Variants in EPHX2 observed in about 807,000 individuals in gnomAD.
EPHX2 encodes bifunctional epoxide hydrolase 2.
Under a neutral mutation model 78.7 loss-of-function variants are expected in EPHX2, and 74 were observed. The ratio of observed to expected loss-of-function variants is 0.94; its 90% confidence interval spans 0.78 to 1.14. The LOEUF (loss-of-function observed/expected upper bound fraction) is 1.14. Among genes scored for constraint, EPHX2 ranks in the 50% most tolerant of loss-of-function variants. The probability of loss-of-function intolerance (pLI) is 0.00; values close to 1 mark genes in which losing one functional copy is unlikely to be tolerated. For synonymous variants in EPHX2, 251 were observed against 255.2 expected (o/e 0.98, Z 0.16); for missense variants, 715 against 702.5 (o/e 1.02, Z -0.20).
At chr8:27,516,525 C>T (rs1279192327) in intron 8 of EPHX2, 127 bp downstream of exon 8, 4 of 837,620 alleles carry the variant, frequency 4.8e-6, no homozygotes, top group African/African-American at 1.7e-5. Flanking sequence ...TCTGACTTCA[C>T]CTCTTTCCTC....
intron 1 of EPHX2, among the ~76,000 whole-genome samples, chr8:27,494,369 T>C (rs1465537185): frequency 1.3e-5 from 2 of 152,204 alleles, no homozygotes; most frequent in African/African-American, 4.8e-5. Flanking sequence ...GTATCTCTAG[T>C]GCCCTGGAAA....
intron 13 of EPHX2, among the ~76,000 whole-genome samples, chr8:27,538,212 A>G (rs970414241): frequency 2.0e-5 from 3 of 152,162 alleles, no homozygotes; most frequent in Admixed American, 1.3e-4. Context: ...CTTTATCATC[A>G]TGAGGGGATT....
rs774099359 is a variant in EPHX2, at chr8:27,500,971, C to A, written c.147C>A (p.Ala49=). The change falls in exon 2 of 19, where the codon GCC becomes GCA. Residue 49 remains alanine (A), a synonymous_variant. Coordinates refer to ENST00000521400, the MANE Select transcript of EPHX2 (RefSeq NM_001979.6). ...TCCAGAAAGGGGGACCAGAGGGTGC[C>A]ACTACCCGGCTTATGAAAGGAGAGA... ...DAFQKGGPEG[A]TTRLMKGEIT... 129 of 1,613,234 alleles carry A rather than the reference C, an allele frequency of 8.0e-5. No homozygotes were observed. The highest frequency in any genetic ancestry group is 1.0e-4 in the Non-Finnish European group (120 of 1,179,680).
At chr8:27,536,951 G>A (rs1447411793) in intron 13 of EPHX2, 96 bp downstream of exon 13, 4 of 1,315,496 alleles carry the variant, frequency 3.0e-6, no homozygotes, top group East Asian at 4.8e-5. Context: ...TAGCAATCTG[G>A]CCTCCTTTTC....
At chr8:27,509,067 CT>C (rs1814134541) in intron 5 of EPHX2, among the ~76,000 whole-genome samples, 1 of 149,438 alleles carries the variant, frequency 6.7e-6, no homozygotes, top group Non-Finnish European at 1.5e-5. Flanking sequence ...CCCCATCCTG[CT>C]TTTTTCTCTA....
intron 2 of EPHX2, among the ~76,000 whole-genome samples, chr8:27,502,571 C>G (rs539733983): frequency 3.9e-5 from 6 of 152,204 alleles, no homozygotes; most frequent in South Asian, 2.1e-4. Context: ...GATGAAGGCA[C>G]TGGCAGGTTC....
rs796293855 is a variant in EPHX2 at position 27,501,324 on chromosome 8, TTTCTTCTTCTTCTTCTTC to T, written c.186+368_186+385del. ...TAAGAAAGAGGGAAATGCTATATAT[TTTCTTCTTCTTCTTCTTC>T]TTCTTCTTCTTCTTCTTCTTCTTCT... On this transcript the variant is annotated intron_variant, in intron 2 of 18. Transcript: ENST00000521400. Among the ~76,000 whole-genome samples the T allele has an allele frequency of 5.1e-3, 530 of 103,008 alleles. 6 individuals carry two copies. Among genetic ancestry groups the T allele is most frequent in the South Asian group, 0.024 (61 of 2,580 alleles). The allele number at this position is 103,008 out of a possible 152,430, so 67.6% of individuals were successfully genotyped here.
At chr8:27,546,620 G>A (rs6990733), downstream of EPHX2, among the ~76,000 whole-genome samples, 39,717 of 152,056 alleles carry the variant, frequency 0.26, 7,110 homozygotes, top group African/African-American at 0.51. Flanking sequence ...GTCCTTTACT[G>A]GAAGGAGCAC....
chr8:27,495,027 A>G (rs940195804), intron 1 of EPHX2, among the ~76,000 whole-genome samples: 6 of 152,160 alleles, frequency 3.9e-5, no homozygotes, highest in East Asian at 1.9e-4. Context: ...GTGTCTGCCT[A>G]ATGGTTTTCT....
rs139039140 is a variant in EPHX2 at position 27,498,193 on chromosome 8, C to G, written c.102-2733C>G. Among the ~76,000 whole-genome samples, 1,290 of 152,268 alleles carry G rather than the reference C, an allele frequency of 8.5e-3. 14 individuals carry two copies. Among genetic ancestry groups the G allele is most frequent in the Non-Finnish European group, 0.011 (722 of 68,016 alleles). Reference sequence around the variant, plus strand: ...TCAGAGAGGGAGAAGGGGATATATACCCAGGTTGGGCCAAATTCCCCTCCC... The same window carrying G: ...TCAGAGAGGGAGAAGGGGATATATAGCCAGGTTGGGCCAAATTCCCCTCCC... On this transcript the variant is annotated intron_variant, in intron 1 of 18. Transcript: ENST00000521400.
intron 5 of EPHX2, among the ~76,000 whole-genome samples, chr8:27,509,623 C>T (rs1585195545): frequency 1.3e-5 from 2 of 152,192 alleles, no homozygotes; most frequent in East Asian, 3.9e-4. Context: ...AAGTGATCCA[C>T]CTGCCTCGGC....
intron 12 of EPHX2, among the ~76,000 whole-genome samples, chr8:27,525,991 G>A (rs1229449081): frequency 6.6e-6 from 1 of 152,218 alleles, no homozygotes; most frequent in Non-Finnish European, 1.5e-5. Flanking sequence ...AGCAGCATCA[G>A]GAGTCAACGT....
intron 13 of EPHX2, among the ~76,000 whole-genome samples, chr8:27,537,210 G>A (rs72477508): frequency 0.025 from 3,874 of 152,246 alleles, 146 homozygotes; most frequent in African/African-American, 0.076. Flanking sequence ...TGTCTTAGGT[G>A]TTAGGAGTCA....
intron 12 of EPHX2, among the ~76,000 whole-genome samples, chr8:27,529,194 C>T (rs572481457): frequency 6.6e-6 from 1 of 152,328 alleles, no homozygotes; most frequent in Admixed American, 6.5e-5. Flanking sequence ...CCTTAGCCAA[C>T]GTGCTGAATC....
chr8:27,501,158 G>A (rs974124331), intron 2 of EPHX2, 148 bp downstream of exon 2: 7 of 616,738 alleles, frequency 1.1e-5, no homozygotes, highest in African/African-American at 1.9e-5. Flanking sequence ...TGGGAGTATT[G>A]CAGTCACCTT....
intron 1 of EPHX2, among the ~76,000 whole-genome samples, chr8:27,496,159 T>G (rs1266303508): frequency 1.3e-5 from 2 of 152,234 alleles, no homozygotes; most frequent in Non-Finnish European, 2.9e-5. Context: ...ATATTTGACT[T>G]GTAGGCAGAG....
At chr8:27,548,406 G>A (rs2132816564), downstream of EPHX2, among the ~76,000 whole-genome samples, 1 of 152,260 alleles carries the variant, frequency 6.6e-6, no homozygotes, top group South Asian at 2.1e-4. Context: ...GACTCCATCT[G>A]GCCACAAATG....
chr8:27,535,135 G>A (rs896984559), intron 12 of EPHX2, among the ~76,000 whole-genome samples: 3 of 152,182 alleles, frequency 2.0e-5, no homozygotes, highest in African/African-American at 7.2e-5. Flanking sequence ...GGTAGCACTA[G>A]TCCCTCAGCA....
chr8:27,531,026 G>A (rs1017608663), intron 12 of EPHX2, among the ~76,000 whole-genome samples: 1 of 151,664 alleles, frequency 6.6e-6, no homozygotes, highest in African/African-American at 2.4e-5. Flanking sequence ...GCCTCCCAAA[G>A]CGCTGGGATT....
Sources: allele counts gnomAD v4.1 joint callset (sites outside exome capture counted in the v4.1 genomes callset), GRCh38; gene constraint gnomAD v4.1.1; transcripts MANE v1.5; gene names NCBI Gene and HGNC (gene_info 2026-07-23, HGNC 2026-07-21).